The following PAK2 variants were observed in gnomAD, a reference collection of about 807,000 sequenced individuals.
The protein encoded by PAK2 is p21 (RAC1) activated kinase 2.
Under a neutral mutation model 65.9 loss-of-function variants are expected in PAK2, and 21 were observed. The observed-to-expected ratio is 0.32, with a 90% CI of 0.23 to 0.46. The LOEUF is 0.46. PAK2 is among the 20% of genes least tolerant of loss of function. PAK2 has a pLI of 1.00. For synonymous variants in PAK2, 204 were observed against 219.7 expected, an observed-to-expected ratio of 0.93 and a Z score of 0.63; for missense variants, 324 against 642.6, an observed-to-expected ratio of 0.50 and a Z score of 5.36.
intron 1 of PAK2, among the ~76,000 whole-genome samples, chr3:196,759,923 T>C (rs1259511874): frequency 6.6e-6 from 1 of 152,166 alleles, no homozygotes; most frequent in Non-Finnish European, 1.5e-5. Flanking sequence ...AATACTGCAC[T>C]GAATAGCAGT....
intron 1 of PAK2, among the ~76,000 whole-genome samples, chr3:196,763,317 C>T (rs1714046987): frequency 6.6e-6 from 1 of 152,158 alleles, no homozygotes; most frequent in Non-Finnish European, 1.5e-5. Context: ...TGCTGGCCAC[C>T]TTCCCCTATT....
At chr3:196,777,004 A>G (rs1182248801) in intron 1 of PAK2, among the ~76,000 whole-genome samples, 1 of 152,242 alleles carries the variant, frequency 6.6e-6, no homozygotes, top group Non-Finnish European at 1.5e-5. Context: ...CAACAGATTG[A>G]ATGCAGAAGC....
chr3:196,811,235 CTTCCT>C (rs1560113656), intron 8 of PAK2, among the ~76,000 whole-genome samples: 4 of 31,340 alleles, frequency 1.3e-4, no homozygotes, highest in Admixed American at 4.5e-4. Context: ...CTTCCCTTCC[CTTCCT>C]TCCCTCCCTC....
At chr3:196,822,526 A>C (rs1159265108) in intron 13 of PAK2, among the ~76,000 whole-genome samples, 1 of 152,048 alleles carries the variant, frequency 6.6e-6, no homozygotes, top group African/African-American at 2.4e-5. Context: ...CCATCTCTAC[A>C]AAAAAATTTA....
chr3:196,751,674 C>A lies in PAK2; in HGVS notation c.-22+11517C>A, dbSNP rs78636895. Among the ~76,000 whole-genome samples, 18 of 71,822 alleles carry A rather than the reference C, an allele frequency of 2.5e-4. 2 individuals are homozygous for A. The South Asian group carries it at 7.0e-3, about 28-fold the overall frequency. 47.1% of individuals were successfully genotyped at this position (71,822 alleles called of 152,430 possible). ...AAAAACACACAAATTTATTTATATA[C>A]ATATATATATATATATATATAATTC... On this transcript the variant is annotated intron_variant, in intron 1 of 14. Transcript: ENST00000327134.
chr3:196,755,887 C>T (rs1713752155), intron 1 of PAK2, among the ~76,000 whole-genome samples: 1 of 152,114 alleles, frequency 6.6e-6, no homozygotes, highest in East Asian at 1.9e-4. Flanking sequence ...TCCTTAGTAG[C>T]TGGGGTTACA....
Position 196,742,716 on chromosome 3 carries a change from C to T in PAK2, c.-22+2559C>T, listed in dbSNP as rs563793117. ...GATCACGAGGTCAGGAGATCAAGAC[C>T]ATCCTGGCTAACACAGTGAAACCCC... On this transcript the variant is annotated intron_variant, in intron 1 of 14. Transcript: ENST00000327134. Among the ~76,000 whole-genome samples, 202 of 152,126 alleles carry T rather than the reference C, an allele frequency of 1.3e-3. 1 individual carries two copies. The highest frequency in any genetic ancestry group is 6.5e-4 in the African/African-American group (27 of 41,500).
intron 7 of PAK2, among the ~76,000 whole-genome samples, chr3:196,809,176 A>C (rs932205128): frequency 8.0e-5 from 12 of 150,748 alleles, no homozygotes; most frequent in Non-Finnish European, 1.6e-4. Flanking sequence ...TGAGCCCGTG[A>C]GTTCAAGGCT....
chr3:196,829,147 A>C lies in PAK2; in HGVS notation c.*742A>C, dbSNP rs1216996735. ...ATCTCTATTTATAACTAAATCATTG[A>C]GATAGAAAAAGATTCCCATTGACTG... On this transcript the variant is annotated 3_prime_UTR_variant, in exon 15 of 15. Transcript: ENST00000327134. The C allele has an allele frequency of 6.6e-6, 1 of 152,660 alleles. No individual in the cohort carries two copies. Among genetic ancestry groups the C allele is most frequent in the East Asian group, 1.9e-4 (1 of 5,204 alleles). 9.5% of individuals were successfully genotyped at this position (152,660 alleles called of 1,614,324 possible).
intron 7 of PAK2, among the ~76,000 whole-genome samples, chr3:196,810,270 A>C (rs1182435960): frequency 2.0e-5 from 3 of 152,044 alleles, no homozygotes; most frequent in Admixed American, 6.6e-5. Flanking sequence ...ATCTCTGACA[A>C]ACTGGTACAG....
chr3:196,777,721 A>T (rs73205832), intron 1 of PAK2, among the ~76,000 whole-genome samples: 2,167 of 152,320 alleles, frequency 0.014, 23 homozygotes, highest in Middle Eastern at 0.034. Context: ...TAAAACAAGT[A>T]CGTGTTGGTC....
chr3:196,813,450 T>TC (rs1171213707), intron 10 of PAK2, among the ~76,000 whole-genome samples: 1 of 136,428 alleles, frequency 7.3e-6, no homozygotes, highest in Non-Finnish European at 1.6e-5. Flanking sequence ...GGAATGAGAC[T>TC]CCATCTCAAA....
intron 2 of PAK2, among the ~76,000 whole-genome samples, chr3:196,786,812 C>CTT (rs1280960939): frequency 1.3e-5 from 2 of 150,764 alleles, no homozygotes; most frequent in African/African-American, 4.9e-5. Context: ...GTCTTGATTA[C>CTT]TATATCTTAC....
At chr3:196,824,812 TA>T (rs899605588) in intron 13 of PAK2, among the ~76,000 whole-genome samples, 52 of 143,140 alleles carry the variant, frequency 3.6e-4, no homozygotes, top group Non-Finnish European at 6.1e-4. Flanking sequence ...GAGAATGCAT[TA>T]AAAAAAAAAA....
intron 1 of PAK2, among the ~76,000 whole-genome samples, chr3:196,771,207 C>T (rs1714350026): frequency 6.6e-6 from 1 of 152,062 alleles, no homozygotes; most frequent in African/African-American, 2.4e-5. Flanking sequence ...CTTGTCTCAA[C>T]ACACTGATGA....
In PAK2 at chr3:196,809,770, C is replaced by T. The variant is rs182709776; in HGVS notation, c.710-820C>T. On this transcript the variant is annotated intron_variant, in intron 7 of 14. Coordinates refer to ENST00000327134, the MANE Select transcript of PAK2 (RefSeq NM_002577.4). ...TGTTCTTAGCCTCTTATTATTGATC[C>T]TGTTTCTTTGCTTGTTGACTTGAGG... is the stretch of plus-strand genomic sequence containing the variant. Among the ~76,000 whole-genome samples, 23 of 151,806 alleles carry T rather than the reference C, an allele frequency of 1.5e-4. No individual in the cohort carries two copies. In the East Asian group the frequency reaches 4.3e-3, roughly 28 times the overall value.
intron 4 of PAK2, among the ~76,000 whole-genome samples, chr3:196,804,462 C>CTT (rs1715517121): frequency 1.3e-5 from 2 of 151,700 alleles, no homozygotes; most frequent in African/African-American, 4.8e-5. Flanking sequence ...CACGCGCGTG[C>CTT]GTGTGTGTGT....
At chr3:196,786,202 A>C (rs1225593454) in intron 2 of PAK2, among the ~76,000 whole-genome samples, 1 of 148,304 alleles carries the variant, frequency 6.7e-6, no homozygotes, top group Non-Finnish European at 1.5e-5. Flanking sequence ...TCATTCTGTC[A>C]CCCAGGCTGG....
intron 14 of PAK2, 41 bp downstream of exon 14, chr3:196,827,374 T>C (rs138915658): frequency 1.9e-6 from 3 of 1,581,682 alleles, no homozygotes; most frequent in Middle Eastern, 1.7e-4. Flanking sequence ...ATAGTTGACT[T>C]TTTTGGTAAC....
Sources: allele counts gnomAD v4.1 joint callset (sites outside exome capture counted in the v4.1 genomes callset), GRCh38; gene constraint gnomAD v4.1.1; transcripts MANE v1.5; gene names NCBI Gene and HGNC (gene_info 2026-07-23, HGNC 2026-07-21).